The following RBP3 variants were observed in gnomAD, a reference collection of about 807,000 sequenced individuals.
The protein encoded by RBP3 is retinol-binding protein 3.
Under a neutral mutation model 64.8 loss-of-function variants are expected in RBP3, and 50 were observed. That is an observed-to-expected ratio of 0.77 (90% CI 0.61 to 0.98). RBP3 has a LOEUF of 0.98. RBP3 is among the 50% of genes least tolerant of loss of function. The pLI is 0.00. For synonymous variants in RBP3, 828 were observed against 730.2 expected, an observed-to-expected ratio of 1.13 and a Z score of -2.16; for missense variants, 1,712 against 1,660.5, an observed-to-expected ratio of 1.03 and a Z score of -0.54.
intron 1 of RBP3, 42 bp from the exon 2 acceptor site, chr10:47,353,283 G>T: frequency 1.3e-6 from 2 of 1,598,668 alleles, no homozygotes; most frequent in South Asian, 2.2e-5. Context: ...TCTAAAACTG[G>T]CTGCTCCTCC....
intron 1 of RBP3, 36 bp downstream of exon 1, chr10:47,351,574 C>A: frequency 6.2e-7 from 1 of 1,612,558 alleles, no homozygotes. Flanking sequence ...AACCCAGTCC[C>A]GGGAGTGAGT....
At position 47,350,779 on chromosome 10, in the gene RBP3, G is replaced by C; in HGVS notation, c.2295G>C (p.Val765=). 1 of 1,613,028 alleles carries C rather than the reference G, an allele frequency of 6.2e-7. No homozygotes were observed. The change falls in exon 1 of 4, where the codon GTG becomes GTC. Residue 765 remains valine (V), a synonymous_variant. Coordinates refer to ENST00000584701, the MANE Select transcript of RBP3 (RefSeq NM_002900.3). ...ETVKAVGPQL[V]RLVWQQLVDT... is the part of the protein sequence containing the mutation. ...TGAAGGCCGTGGGGCCACAGCTGGT[G>C]CGGCTGGTATGGCAACAGCTGGTGG...
In RBP3 at chr10:47,350,064, C is replaced by T. The variant is rs113665624; in HGVS notation, c.1580C>T (p.Pro527Leu). ...TQEHFSHMEL[P>L]GPRYSTQRGV... The stretch of plus-strand genomic sequence containing the variant: ...GAGCACTTCAGCCACATGGAGCTCC[C>T]GGGCCCACGCTACAGCACCCAACGT... The change falls in exon 1 of 4, where the codon CCG becomes CTG. Residue 527 changes from proline to leucine, a missense_variant. Coordinates refer to ENST00000584701, the MANE Select transcript of RBP3 (RefSeq NM_002900.3). The T allele has an allele frequency of 7.4e-6, 12 of 1,612,960 alleles. No individual in the cohort carries two copies. The highest frequency in any genetic ancestry group is 4.5e-5 in the East Asian group (2 of 44,870).
chr10:47,350,832 G>A lies in RBP3; in HGVS notation c.2348G>A (p.Arg783His), dbSNP rs781921570. ...VDTAALVIDL[R>H]YNPGSYSTAI... is the part of the protein sequence containing the mutation. ...ACGGCTGCGCTGGTGATCGACCTGC[G>A]CTACAACCCTGGCAGCTACTCCACG... Residue 783 changes from arginine (R) to histidine (H), a missense_variant, in exon 1 of 4, where the codon CGC becomes CAC. Physicochemically the swap from Arg to His is conservative, Grantham distance 29. Transcript: ENST00000584701. The A allele has an allele frequency of 1.2e-5, 20 of 1,612,840 alleles. No individual in the cohort carries two copies. Among genetic ancestry groups the A allele is most frequent in the South Asian group, 6.6e-5 (6 of 91,078 alleles).
intron 3 of RBP3, among the ~76,000 whole-genome samples, chr10:47,356,281 C>A (rs900521800): frequency 1.3e-5 from 2 of 152,096 alleles, no homozygotes; most frequent in Non-Finnish European, 2.9e-5. Flanking sequence ...AGTGTAAATG[C>A]AAATCAGAAC....
At position 47,350,103 on chromosome 10, in the gene RBP3, T is replaced by A; in HGVS notation, c.1619T>A (p.Leu540His). The change falls in exon 1 of 4, where the codon CTC becomes CAC. Residue 540 changes from leucine (L) to histidine (H), a missense_variant. Physicochemically the swap from Leu to His is moderately conservative, Grantham distance 99 (BLOSUM62 -3). Coordinates refer to ENST00000584701, the MANE Select transcript of RBP3 (RefSeq NM_002900.3). Reference protein sequence around the residue: ...RYSTQRGVYLLTSHRTATAAE... With the variant: ...RYSTQRGVYLHTSHRTATAAE... The stretch of plus-strand genomic sequence containing the variant: ...AGCACCCAACGTGGGGTGTATCTGC[T>A]CACCAGCCACCGCACCGCCACGGCC... The A allele has an allele frequency of 6.2e-7, 1 of 1,612,968 alleles. No homozygotes were observed. The highest frequency in any genetic ancestry group is 1.7e-5 in the Admixed American group (1 of 60,020).
At position 47,349,124 on chromosome 10, in the gene RBP3, C is replaced by G. The variant is rs1196877711; in HGVS notation, c.640C>G (p.Pro214Ala). ...SNTTTEIWTL[P>A]QVLGERYGAD... ...CACCACCACGGAGATCTGGACCTTGCCCCAGGTCCTGGGAGAAAGGTACGG... is the reference window on the plus strand; with the variant it reads ...CACCACCACGGAGATCTGGACCTTGGCCCAGGTCCTGGGAGAAAGGTACGG... Residue 214 changes from proline to alanine, a missense_variant, in exon 1 of 4, where the codon CCC becomes GCC. By Grantham distance (27) the Pro-to-Ala change is conservative. Coordinates refer to ENST00000584701, the MANE Select transcript of RBP3 (RefSeq NM_002900.3). The G allele has an allele frequency of 1.9e-6, 3 of 1,614,016 alleles. No homozygotes were observed. Among genetic ancestry groups the G allele is most frequent in the Non-Finnish European group, 2.5e-6 (3 of 1,180,034 alleles).
Position 47,349,407 on chromosome 10 carries a change from C to T in RBP3, c.923C>T (p.Pro308Leu), listed in dbSNP as rs782358403. 6.8e-6 allele frequency: 11 copies of T among 1,611,696 alleles called. No homozygotes were observed. Among genetic ancestry groups the T allele is most frequent in the East Asian group, 4.5e-5 (2 of 44,880 alleles). Reference protein sequence around the residue: ...GSGVLPCVGTPAEQALEKALA... With the variant: ...GSGVLPCVGTLAEQALEKALA... ...GGGGTGCTGCCCTGTGTGGGGACTC[C>T]GGCCGAGCAGGCCCTGGAGAAAGCC... The change falls in exon 1 of 4, where the codon CCG (proline) becomes CTG (leucine). Residue 308 changes from proline (P) to leucine (L), a missense_variant. Pro to Leu is a moderately conservative substitution (Grantham distance 98). Transcript: ENST00000584701.
Position 47,351,359 on chromosome 10 carries a change from G to T in RBP3, c.2875G>T (p.Ala959Ser). 1 of 1,613,562 alleles carries T rather than the reference G, an allele frequency of 6.2e-7. No homozygotes were observed. Among genetic ancestry groups the T allele is most frequent in the Non-Finnish European group, 8.5e-7 (1 of 1,180,032 alleles). Residue 959 changes from alanine to serine, a missense_variant, in exon 1 of 4, where the codon GCC (alanine) becomes TCC (serine). By Grantham distance (99) the Ala-to-Ser change is moderately conservative. Transcript: ENST00000584701. ...TAACTATGCCTCTGCCGAGCTGGGGGCCAAGATGGCCACCAAACTGAGCGG... is the reference window on the plus strand; with the variant it reads ...TAACTATGCCTCTGCCGAGCTGGGGTCCAAGATGGCCACCAAACTGAGCGG... ...ADNYASAELG[A>S]KMATKLSGLQ...
chr10:47,350,345 G>T lies in RBP3; in HGVS notation c.1861G>T (p.Glu621Ter). ...GCCCGATGCCATCGTGCTGGCCGAG[G>T]AGGCCCTGGACAAAGCCCAGGAAGT... ...VVPDAIVLAE[E>*]ALDKAQEVLE... Residue 621 changes from glutamate (E) to a stop codon, truncating the protein, a stop_gained, in exon 1 of 4, where the codon GAG becomes TAG. Transcript: ENST00000584701. LOFTEE classifies it high-confidence loss of function. 6.2e-7 allele frequency: 1 copy of T among 1,612,168 alleles called. No individual in the cohort carries two copies. The highest frequency in any genetic ancestry group is 8.5e-7 in the Non-Finnish European group (1 of 1,179,956).
rs1354908515 is a variant in RBP3 at position 47,357,562 on chromosome 10, G to A, written c.*105G>A. 6 of 940,438 alleles carry A rather than the reference G, an allele frequency of 6.4e-6. No homozygotes were observed. In the African/African-American group the frequency reaches 9.9e-5, roughly 15 times the overall value. 58.3% of individuals were successfully genotyped at this position (940,438 alleles called of 1,614,324 possible). ...GCCTGAGGTTCCCAGGAGCAGCAAA[G>A]GGGCCTGCTGAGCTCTGGTTAGGTT... is the stretch of plus-strand genomic sequence containing the variant. On this transcript the variant is annotated 3_prime_UTR_variant, in exon 4 of 4. Transcript: ENST00000584701.
Position 47,349,810 on chromosome 10 carries a change from G to A in RBP3, c.1326G>A (p.Leu442=). ...VSVLPGNVGY[L]RFDSFADASV... is the part of the protein sequence containing the mutation. ...TGCTGCCAGGCAATGTGGGCTACCT[G>A]CGCTTCGATAGTTTTGCTGACGCCT... Residue 442 remains leucine, a synonymous_variant, in exon 1 of 4, where the codon CTG becomes CTA. Transcript: ENST00000584701. 1 of 1,613,274 alleles carries A rather than the reference G, an allele frequency of 6.2e-7. No individual in the cohort carries two copies. Among genetic ancestry groups the A allele is most frequent in the Non-Finnish European group, 8.5e-7 (1 of 1,180,028 alleles).
At position 47,350,634 on chromosome 10, in the gene RBP3, C is replaced by T; in HGVS notation, c.2150C>T (p.Pro717Leu). ...ELVVEEAPPP[P>L]PAVPSPEELT... ...GTGGTAGAGGAAGCACCCCCACCAC[C>T]CCCTGCTGTCCCCTCTCCAGAGGAG... is the stretch of plus-strand genomic sequence containing the variant. Residue 717 changes from proline (P) to leucine (L), a missense_variant, in exon 1 of 4, where the codon CCC becomes CTC. Pro to Leu is a moderately conservative substitution (Grantham distance 98). Transcript: ENST00000584701. 6.2e-7 allele frequency: 1 copy of T among 1,612,884 alleles called. No individual in the cohort carries two copies. The highest frequency in any genetic ancestry group is 1.1e-5 in the South Asian group (1 of 91,082).
Position 47,348,911 on chromosome 10 carries a change from G to T in RBP3, c.427G>T (p.Val143Leu). 6.2e-7 allele frequency: 1 copy of T among 1,613,884 alleles called. No individual in the cohort carries two copies. Among genetic ancestry groups the T allele is most frequent in the Non-Finnish European group, 8.5e-7 (1 of 1,180,032 alleles). Residue 143 changes from valine (V) to leucine (L), a missense_variant, in exon 1 of 4, where the codon GTG becomes TTG. Physicochemically the swap from Val to Leu is conservative, Grantham distance 32 (BLOSUM62 1). Coordinates refer to ENST00000584701, the MANE Select transcript of RBP3 (RefSeq NM_002900.3). Reference sequence around the variant, plus strand: ...GGTGGACAGCGTCCCGGGCCAGGAGGTGCTGAGCATGATGGGGGAGTTCCT... The same window carrying T: ...GGTGGACAGCGTCCCGGGCCAGGAGTTGCTGAGCATGATGGGGGAGTTCCT... ...LRVDSVPGQEVLSMMGEFLVA... is the reference protein window; with the variant it reads ...LRVDSVPGQELLSMMGEFLVA...
rs146153708 is a variant in RBP3, at chr10:47,357,326, T to A, written c.3613T>A (p.Ser1205Thr). ...ARSVGASDGSSWEGVGVTPHV... is the reference protein window; with the variant it reads ...ARSVGASDGSTWEGVGVTPHV... ...TTCTGTGGGGGCCTCGGATGGCAGC[T>A]CCTGGGAAGGGGTGGGGGTGACACC... is the stretch of plus-strand genomic sequence containing the variant. Residue 1205 changes from serine (S) to threonine (T), a missense_variant, in exon 4 of 4, where the codon TCC (serine) becomes ACC (threonine). Physicochemically the swap from Ser to Thr is moderately conservative, Grantham distance 58. Coordinates refer to ENST00000584701, the MANE Select transcript of RBP3 (RefSeq NM_002900.3). 1.2e-4 allele frequency: 198 copies of A among 1,613,960 alleles called. No homozygotes were observed. The highest frequency in any genetic ancestry group is 1.6e-4 in the Non-Finnish European group (191 of 1,180,030).
Position 47,349,401 on chromosome 10 carries a change from G to C in RBP3, c.917G>C (p.Gly306Ala). ...GGCAGCGGGGTGCTGCCCTGTGTGG[G>C]GACTCCGGCCGAGCAGGCCCTGGAG... is the stretch of plus-strand genomic sequence containing the variant. Reference protein sequence around the residue: ...WEGSGVLPCVGTPAEQALEKA... With the variant: ...WEGSGVLPCVATPAEQALEKA... Residue 306 changes from glycine (G) to alanine (A), a missense_variant, in exon 1 of 4, where the codon GGG becomes GCG. Gly to Ala is a moderately conservative substitution (Grantham distance 60). Coordinates refer to ENST00000584701, the MANE Select transcript of RBP3 (RefSeq NM_002900.3). 1 of 1,611,944 alleles carries C rather than the reference G, an allele frequency of 6.2e-7. No individual in the cohort carries two copies. The highest frequency in any genetic ancestry group is 1.7e-4 in the Middle Eastern group (1 of 6,060).
chr10:47,351,820 A>C (rs1175311208), intron 1 of RBP3, among the ~76,000 whole-genome samples: 1 of 152,200 alleles, frequency 6.6e-6, no homozygotes, highest in African/African-American at 2.4e-5. Flanking sequence ...CCTCACAGGA[A>C]GCCAGTTTGA....
rs1236941536 is a variant in RBP3, at chr10:47,350,881, C to T, written c.2397C>T (p.Tyr799=). Residue 799 remains tyrosine (Y), a synonymous_variant, in exon 1 of 4, where the codon TAC becomes TAT. Coordinates refer to ENST00000584701, the MANE Select transcript of RBP3 (RefSeq NM_002900.3). The part of the protein sequence containing the change: ...YSTAIPLLCS[Y]FFEAEPRQHL... The stretch of plus-strand genomic sequence containing the variant: ...CGGCCATCCCGCTGCTCTGCTCCTA[C>T]TTCTTTGAGGCAGAGCCCCGCCAGC... The T allele has an allele frequency of 6.2e-7, 1 of 1,612,430 alleles. No homozygotes were observed. Among genetic ancestry groups the T allele is most frequent in the East Asian group, 2.2e-5 (1 of 44,864 alleles).
At chr10:47,354,187 G>A (rs1837017641) in intron 2 of RBP3, among the ~76,000 whole-genome samples, 2 of 152,202 alleles carry the variant, frequency 1.3e-5, no homozygotes, top group Admixed American at 1.3e-4. Flanking sequence ...TTTACCTCAT[G>A]GACCAGGGGT....
Sources: allele counts gnomAD v4.1 joint callset (sites outside exome capture counted in the v4.1 genomes callset), GRCh38; gene constraint gnomAD v4.1.1; transcripts MANE v1.5; gene names NCBI Gene and HGNC (gene_info 2026-07-23, HGNC 2026-07-21).